Variants in CCDC83 observed in about 807,000 individuals in gnomAD.
CCDC83 encodes the protein coiled-coil domain-containing protein 83.
CCDC83 carries 54 observed loss-of-function variants against 50.1 expected under a neutral mutation model. The ratio of observed to expected loss-of-function variants is 1.08; its 90% CI spans 0.87 to 1.35. The LOEUF (loss-of-function observed/expected upper bound fraction) is 1.35. Ranked by LOEUF, CCDC83 falls within the 40% of genes most tolerant of loss-of-function variation. The pLI is 0.00. For missense variants in CCDC83, 518 were observed against 473.9 expected, an observed-to-expected ratio of 1.09 and a Z score of -0.86; for synonymous variants, 161 against 153.3, an observed-to-expected ratio of 1.05 and a Z score of -0.37.
At chr11:85,871,757 C>T (rs868228478) in intron 2 of CCDC83, among the ~76,000 whole-genome samples, 2 of 152,098 alleles carry the variant, frequency 1.3e-5, no homozygotes, top group Admixed American at 6.6e-5. Context: ...GACTTAAAAC[C>T]AGAGTTTCTC....
intron 5 of CCDC83, among the ~76,000 whole-genome samples, chr11:85,888,359 T>C (rs1239256193): frequency 1.3e-5 from 2 of 152,228 alleles, no homozygotes; most frequent in Admixed American, 1.3e-4. Context: ...TGGTATCTCA[T>C]TGTAGTTTTA....
At chr11:85,856,128 C>G (rs1229025042) in intron 1 of CCDC83, among the ~76,000 whole-genome samples, 1 of 137,698 alleles carries the variant, frequency 7.3e-6, no homozygotes, top group Non-Finnish European at 1.5e-5. Flanking sequence ...TTCTGCTGGG[C>G]AAGAGAGAGA....
Position 85,895,541 on chromosome 11 carries a change from C to T in CCDC83, c.603+157C>T, listed in dbSNP as rs527753492. ...GTAACATAATATTAAAAGTTTTGAA[C>T]GATTTATAAAATGAAATATAATTTG... On this transcript the variant is annotated intron_variant, in intron 6 of 10. Transcript: ENST00000342404. Among the ~76,000 whole-genome samples the T allele has an allele frequency of 6.6e-5, 10 of 151,838 alleles. No homozygotes were observed. In the East Asian group the frequency reaches 1.4e-3, roughly 21 times the overall value.
At chr11:85,906,180 C>T (rs113212604) in intron 7 of CCDC83, among the ~76,000 whole-genome samples, 32,525 of 151,278 alleles carry the variant, frequency 0.22, 3,824 homozygotes, top group Middle Eastern at 0.28. Flanking sequence ...ATTCTCCTGC[C>T]TCAGCCTCCC....
intron 3 of CCDC83, among the ~76,000 whole-genome samples, chr11:85,876,247 A>G (rs549990450): frequency 6.6e-6 from 1 of 152,232 alleles, no homozygotes; most frequent in South Asian, 2.1e-4. Context: ...ACTTAACACT[A>G]TGGCTTCAAA....
chr11:85,882,760 C>T, intron 4 of CCDC83, 85 bp downstream of exon 4: 1 of 1,266,550 alleles, frequency 7.9e-7, no homozygotes, highest in Non-Finnish European at 1.1e-6. Context: ...CCAATATGTT[C>T]AAAATGCTGT....
intron 5 of CCDC83, among the ~76,000 whole-genome samples, chr11:85,892,071 T>A (rs1302317040): frequency 4.6e-5 from 7 of 152,306 alleles, no homozygotes; most frequent in African/African-American, 1.4e-4. Flanking sequence ...AATGGAGCTA[T>A]GTGACCCCAG....
rs58433339 is a variant in CCDC83 at position 85,908,551 on chromosome 11, TTAGATAGATAGATAGA to T, written c.673-2685_673-2670del. 7.3e-3 allele frequency among the ~76,000 whole-genome samples: 1,008 copies of T among 137,528 alleles called. 6 individuals carry two copies. The highest frequency in any genetic ancestry group is 0.017 in the African/African-American group (601 of 36,140). The allele number at this position is 137,528 out of a possible 152,430, so 90.2% of individuals were successfully genotyped here. A position where few individuals can be genotyped will look rare whatever the true frequency, so the allele number is the denominator to read the frequency against. On this transcript the variant is annotated intron_variant, in intron 7 of 10. Transcript: ENST00000342404. ...GGGCAACACAGCATAGACTAGATGA[TTAGATAGATAGATAGA>T]TAGATAGATAGATAGATAGATAGAT...
In CCDC83 at chr11:85,882,045, G is replaced by C. The variant is rs142613219; in HGVS notation, c.181-468G>C. Among the ~76,000 whole-genome samples the C allele has an allele frequency of 5.3e-3, 803 of 152,058 alleles. 10 individuals carry two copies. Among genetic ancestry groups the C allele is most frequent in the African/African-American group, 0.018 (758 of 41,460 alleles). Reference sequence around the variant, plus strand: ...TCTTTTGTTATAGGCCAGGCTTGCTGGCTCACACCTGTAATCCCAGCACTT... The same window carrying C: ...TCTTTTGTTATAGGCCAGGCTTGCTCGCTCACACCTGTAATCCCAGCACTT... On this transcript the variant is annotated intron_variant, in intron 3 of 10. Coordinates refer to ENST00000342404, the MANE Select transcript of CCDC83 (RefSeq NM_001286159.2).
intron 3 of CCDC83, among the ~76,000 whole-genome samples, chr11:85,878,850 T>G (rs994726191): frequency 3.3e-5 from 5 of 152,210 alleles, no homozygotes; most frequent in African/African-American, 1.2e-4. Flanking sequence ...GATGCCGCTA[T>G]GCACTATTTT....
At chr11:85,884,203 C>G (rs544038228) in intron 4 of CCDC83, among the ~76,000 whole-genome samples, 1 of 152,214 alleles carries the variant, frequency 6.6e-6, no homozygotes, top group East Asian at 1.9e-4. Flanking sequence ...GAGGACTGGA[C>G]ATGCATGGGA....
chr11:85,880,827 G>C (rs1234363993), intron 3 of CCDC83, among the ~76,000 whole-genome samples: 1 of 152,142 alleles, frequency 6.6e-6, no homozygotes, highest in Non-Finnish European at 1.5e-5. Flanking sequence ...TCCAATTTCA[G>C]ATTCTTTTAG....
chr11:85,873,402 A>G, intron 3 of CCDC83, 107 bp downstream of exon 3: 1 of 488,742 alleles, frequency 2.0e-6, no homozygotes. Context: ...ATCTTCTTCA[A>G]AGCTTGGAAT....
intron 7 of CCDC83, among the ~76,000 whole-genome samples, chr11:85,901,641 CAA>C (rs61687599): frequency 4.1e-5 from 5 of 122,192 alleles, no homozygotes; most frequent in Non-Finnish European, 1.8e-5. Flanking sequence ...GACCACAATA[CAA>C]AAAAAAAAAA....
intron 1 of CCDC83, among the ~76,000 whole-genome samples, chr11:85,860,301 C>CAAAAAA (rs56657675): frequency 3.6e-5 from 2 of 55,944 alleles, no homozygotes; most frequent in Non-Finnish European, 7.4e-5. Flanking sequence ...GACTCCGTCT[C>CAAAAAA]AAAAAAAAAA....
chr11:85,873,089 G>T (rs1380995313), intron 2 of CCDC83, 122 bp from the exon 3 acceptor site: 2 of 449,494 alleles, frequency 4.4e-6, no homozygotes, highest in South Asian at 6.2e-5. Context: ...GTTTAGGAAA[G>T]GTTTTTATCC....
At chr11:85,891,131 T>C (rs2093348886) in intron 5 of CCDC83, among the ~76,000 whole-genome samples, 1 of 152,232 alleles carries the variant, frequency 6.6e-6, no homozygotes. Context: ...TTGCTCTGCA[T>C]ACCTGTCCCC....
chr11:85,901,009 G>A (rs1298166125), intron 7 of CCDC83, among the ~76,000 whole-genome samples: 1 of 151,330 alleles, frequency 6.6e-6, no homozygotes, highest in African/African-American at 2.4e-5. Context: ...AGGTTGCAAT[G>A]AGCCAACATC....
intron 2 of CCDC83, among the ~76,000 whole-genome samples, chr11:85,869,309 C>T (rs1210306260): frequency 2.6e-5 from 4 of 152,110 alleles, no homozygotes; most frequent in African/African-American, 9.7e-5. Flanking sequence ...AATCTATAAA[C>T]CAATACTAAA....
Sources: allele counts gnomAD v4.1 joint callset (sites outside exome capture counted in the v4.1 genomes callset), GRCh38; gene constraint gnomAD v4.1.1; transcripts MANE v1.5; gene names NCBI Gene and HGNC (gene_info 2026-07-23, HGNC 2026-07-21).